The following ZSWIM4 variants were observed in gnomAD, a reference collection of about 807,000 sequenced individuals.
ZSWIM4 encodes the protein zinc finger SWIM-type containing 4, also known as zinc finger SWIM domain-containing protein 4.
In ZSWIM4, 62 loss-of-function variants were observed where a neutral mutation model predicts 102.5. The observed-to-expected ratio is 0.60, with a 90% CI of 0.49 to 0.75. ZSWIM4 has a LOEUF of 0.75. Among genes scored for constraint, ZSWIM4 ranks in the 30% least tolerant of loss-of-function variants. The pLI is 0.00. For missense variants in ZSWIM4, 1,280 were observed against 1,529.6 expected, an observed-to-expected ratio of 0.84 and a Z score of 2.72; for synonymous variants, 652 against 674.5, an observed-to-expected ratio of 0.97 and a Z score of 0.52.
Position 13,830,509 on chromosome 19 carries a change from G to A in ZSWIM4, c.2780G>A (p.Arg927His), listed in dbSNP as rs761528902. 8 of 1,599,914 alleles carry A rather than the reference G, an allele frequency of 5.0e-6. No individual in the cohort carries two copies. Among genetic ancestry groups the A allele is most frequent in the East Asian group, 2.2e-5 (1 of 44,854 alleles). Residue 927 changes from arginine (R) to histidine (H), a missense_variant, in exon 14 of 14, where the codon CGC becomes CAC. By Grantham distance (29) the Arg-to-His change is conservative. Transcript: ENST00000590508. ...LGHAHLFTVA[R>H]YMEHRGLPLR... ...CACGCCCACCTCTTCACTGTGGCCCGCTATATGGAGCACCGCGGGCTGCCG... is the reference window on the plus strand; with the variant it reads ...CACGCCCACCTCTTCACTGTGGCCCACTATATGGAGCACCGCGGGCTGCCG...
chr19:13,799,843 G>T lies in ZSWIM4; in HGVS notation c.277G>T (p.Glu93Ter), dbSNP rs1052933518. ...GCTGGGTTACCCGCCCCCAGAGGGC[G>T]AGCACGATGCCCGGGTGCCCTTTAC... is the stretch of plus-strand genomic sequence containing the variant. Reference protein sequence around the residue: ...SSLGYPPPEGEHDARVPFTRG... With the variant: ...SSLGYPPPEG Residue 93 changes from glutamate to a stop codon, truncating the protein, a stop_gained, in exon 2 of 14, where the codon GAG (glutamate) becomes TAG (stop). Coordinates refer to ENST00000590508, the MANE Select transcript of ZSWIM4 (RefSeq NM_001367834.3). LOFTEE classifies it high-confidence loss of function. 1 of 1,613,716 alleles carries T rather than the reference G, an allele frequency of 6.2e-7. No individual in the cohort carries two copies.
chr19:13,797,059 G>C (rs1203279043), intron 1 of ZSWIM4: 1 of 152,316 alleles, frequency 6.6e-6, no homozygotes, highest in Non-Finnish European at 1.5e-5. Flanking sequence ...TTCATTGCAT[G>C]TGAGACACAC....
intron 10 of ZSWIM4, 53 bp downstream of exon 10, chr19:13,819,545 G>C: frequency 6.5e-7 from 1 of 1,534,762 alleles, no homozygotes; most frequent in South Asian, 1.2e-5. Flanking sequence ...GAAGAGGGGC[G>C]GGCATGGGGG....
intron 7 of ZSWIM4, among the ~76,000 whole-genome samples, chr19:13,815,522 G>C (rs1433866612): frequency 7.5e-6 from 1 of 132,532 alleles, no homozygotes; most frequent in African/African-American, 2.9e-5. Context: ...CCAGTCTGGA[G>C]TGCAGTGGCG....
intron 10 of ZSWIM4, among the ~76,000 whole-genome samples, chr19:13,819,745 T>C (rs1039678871): frequency 2.0e-5 from 3 of 151,910 alleles, no homozygotes; most frequent in African/African-American, 7.2e-5. Flanking sequence ...CTCAGCTCAC[T>C]GCAACCTCCA....
intron 2 of ZSWIM4, among the ~76,000 whole-genome samples, chr19:13,801,135 G>T (rs532361748): frequency 6.2e-4 from 90 of 144,954 alleles, no homozygotes; most frequent in African/African-American, 2.3e-3. Context: ...AGAGCGAGAT[G>T]CTATCTCAAA....
chr19:13,825,499 G>A lies in ZSWIM4; in HGVS notation c.2216-51G>A, dbSNP rs771247904. 6.3e-7 allele frequency: 1 copy of A among 1,587,308 alleles called. No homozygotes were observed. The highest frequency in any genetic ancestry group is 2.3e-5 in the East Asian group (1 of 44,424). ...TGAACAGGTCGGGTGGTGGTCAGAG[G>A]CTGGTGCTGAGGTGTATCCGATGGT... On this transcript the variant is annotated intron_variant, in intron 11 of 13. Transcript: ENST00000590508. The surrounding 1 kb of genome is among the most constrained non-coding windows in gnomAD (Gnocchi z 4.6).
At chr19:13,799,212 C>G (rs577590067) in intron 1 of ZSWIM4, among the ~76,000 whole-genome samples, 42 of 151,870 alleles carry the variant, frequency 2.8e-4, no homozygotes, top group Non-Finnish European at 4.6e-4. Context: ...TCCCAGGTAG[C>G]TGGGATTCCA....
chr19:13,823,334 C>T lies in ZSWIM4; in HGVS notation c.2061-12C>T. ...CCCCTCCTCACCATGGCTCACTTCT[C>T]CCCTTACCCAGGCTGCCCATACTGG... On this transcript the variant is annotated splice_polypyrimidine_tract_variant and intron_variant, in intron 10 of 13. Transcript: ENST00000590508. The T allele has an allele frequency of 1.2e-6, 2 of 1,610,874 alleles. No individual in the cohort carries two copies. Among genetic ancestry groups the T allele is most frequent in the African/African-American group, 2.7e-5 (2 of 75,002 alleles).
intron 6 of ZSWIM4, among the ~76,000 whole-genome samples, chr19:13,814,076 T>TTTTTTTTA (rs1975193487): frequency 6.7e-6 from 1 of 150,306 alleles, no homozygotes; most frequent in African/African-American, 2.4e-5. Context: ...TTTTTTTTTT[T>TTTTTTTTA]GAGACAGTCT....
rs762783813 is a variant in ZSWIM4 at position 13,825,659 on chromosome 19, C to T, written c.2325C>T (p.Val775=). ...AQDACKTATP[V]SAPPDTTLLG... Reference sequence around the variant, plus strand: ...ACGCCTGCAAGACAGCCACCCCGGTCAGCGCCCCACCAGACACCACGCTGC... The same window carrying T: ...ACGCCTGCAAGACAGCCACCCCGGTTAGCGCCCCACCAGACACCACGCTGC... The change falls in exon 12 of 14, where the codon GTC becomes GTT. Residue 775 remains valine (V), a synonymous_variant. Transcript: ENST00000590508. The surrounding 1 kb of genome is among the most constrained non-coding windows in gnomAD (Gnocchi z 4.6). 1 of 1,613,464 alleles carries T rather than the reference C, an allele frequency of 6.2e-7. No homozygotes were observed. Among genetic ancestry groups the T allele is most frequent in the Non-Finnish European group, 8.5e-7 (1 of 1,180,034 alleles).
rs1483191067 is a variant in ZSWIM4 at position 13,817,859 on chromosome 19, T to A, written c.1807T>A (p.Tyr603Asn). ...GCAGCGGGCCCTGCCGGAGGGGCTG[T>A]ACGCCCAGGACAAGGTGGTGCGCAA... ...GQQRALPEGL[Y>N]AQDKVVRNEE... Residue 603 changes from tyrosine (Y) to asparagine (N), a missense_variant, in exon 9 of 14, where the codon TAC becomes AAC. Transcript: ENST00000590508. The A allele has an allele frequency of 1.3e-6, 2 of 1,557,778 alleles. No individual in the cohort carries two copies. The highest frequency in any genetic ancestry group is 1.7e-6 in the Non-Finnish European group (2 of 1,150,686).
At position 13,814,531 on chromosome 19, in the gene ZSWIM4, A is replaced by G; in HGVS notation, c.1197A>G (p.Glu399=). The change falls in exon 7 of 14, where the codon GAA becomes GAG. Residue 399 remains glutamate, a synonymous_variant. Coordinates refer to ENST00000590508, the MANE Select transcript of ZSWIM4 (RefSeq NM_001367834.3). ...TCTCTGCAGGCTCGGAGGAAGAGGA[A>G]GAGGTGGCAGCCACAAGTCCCCGCC... is the stretch of plus-strand genomic sequence containing the variant. ...MAPAPGSEEE[E]EVAATSPRHT... is the part of the protein sequence containing the mutation. 1 of 1,160,486 alleles carries G rather than the reference A, an allele frequency of 8.6e-7. No homozygotes were observed. The highest frequency in any genetic ancestry group is 1.1e-6 in the Non-Finnish European group (1 of 920,630). The allele number at this position is 1,160,486 out of a possible 1,614,324, so 71.9% of individuals were successfully genotyped here. A position where few individuals can be genotyped will look rare whatever the true frequency, so the allele number is the denominator to read the frequency against.
At chr19:13,824,149 G>C (rs1975543159) in intron 11 of ZSWIM4, among the ~76,000 whole-genome samples, 1 of 151,824 alleles carries the variant, frequency 6.6e-6, no homozygotes, top group Non-Finnish European at 1.5e-5. Flanking sequence ...AGAGGAGAGA[G>C]AGAAGAAAGA....
rs768210961 is a variant in ZSWIM4 at position 13,830,555 on chromosome 19, G to C, written c.2826G>C (p.Ala942=). The change falls in exon 14 of 14, where the codon GCG becomes GCC. Residue 942 remains alanine, a synonymous_variant. Transcript: ENST00000590508. The part of the protein sequence containing the change: ...RGLPLRAYKL[A]TLALAQLSIA... The stretch of plus-strand genomic sequence containing the variant: ...TGCCGCTCCGGGCCTACAAGCTGGC[G>C]ACGCTGGCCCTGGCGCAGCTCAGCA... The C allele has an allele frequency of 6.3e-7, 1 of 1,599,452 alleles. No individual in the cohort carries two copies. Among genetic ancestry groups the C allele is most frequent in the Non-Finnish European group, 8.5e-7 (1 of 1,179,576 alleles).
At chr19:13,804,326 C>G (rs1356107409) in intron 2 of ZSWIM4, among the ~76,000 whole-genome samples, 1 of 112,026 alleles carries the variant, frequency 8.9e-6, no homozygotes, top group Admixed American at 7.7e-5. Flanking sequence ...CAAAATTAGC[C>G]GGGCATGGTG....
In ZSWIM4 at chr19:13,795,734, G is replaced by C. The variant is rs763756010; in HGVS notation, c.86G>C (p.Arg29Pro). 6.6e-6 allele frequency: 8 copies of C among 1,221,210 alleles called. No individual in the cohort carries two copies. The highest frequency in any genetic ancestry group is 8.2e-6 in the Non-Finnish European group (8 of 980,410). The allele number at this position is 1,221,210 out of a possible 1,614,324, so 75.6% of individuals were successfully genotyped here. ...RDAGAGAARG[R>P]GRPEALLDLS... ...GCCGGGGCCGGGGCCGCGCGTGGCC[G>C]GGGCCGGCCCGAGGCGCTGCTGGAC... Residue 29 changes from arginine (R) to proline (P), a missense_variant, in exon 1 of 14, where the codon CGG becomes CCG. Transcript: ENST00000590508.
rs531179014 is a variant in ZSWIM4 at position 13,821,549 on chromosome 19, T to C, written c.2061-1797T>C. On this transcript the variant is annotated intron_variant, in intron 10 of 13. Transcript: ENST00000590508. ...AACAGAGCAAGACCCCATCTCTCTC[T>C]TTTTTTTGTCCTTTTAGAGACAGTC... 3.3e-5 allele frequency among the ~76,000 whole-genome samples: 5 copies of C among 151,956 alleles called. No individual in the cohort carries two copies. In the East Asian group the frequency reaches 5.8e-4, roughly 18 times the overall value.
At position 13,813,031 on chromosome 19, in the gene ZSWIM4, C is replaced by T. The variant is rs772117365; in HGVS notation, c.1047C>T (p.His349=). 1 of 1,613,690 alleles carries T rather than the reference C, an allele frequency of 6.2e-7. No individual in the cohort carries two copies. The highest frequency in any genetic ancestry group is 1.3e-5 in the African/African-American group (1 of 74,928). ...GGGTTTGCGTCGTCCTGAGCCCCCA[C>T]TGCAAACCAGAGGAAAGGGCAGGCT... is the stretch of plus-strand genomic sequence containing the variant. The part of the protein sequence containing the change: ...ALWVCVVLSP[H]CKPEERAGWL... The change falls in exon 6 of 14, where the codon CAC becomes CAT. Residue 349 remains histidine (H), a synonymous_variant. Coordinates refer to ENST00000590508, the MANE Select transcript of ZSWIM4 (RefSeq NM_001367834.3).
Sources: gnomAD v4.1 joint callset for allele counts (sites outside exome capture counted in the v4.1 genomes callset) on GRCh38, gnomAD v4.1.1 for gene constraint, Gnocchi (gnomAD v3.1) non-coding constraint, MANE v1.5 for transcripts, NCBI Gene and HGNC (gene_info 2026-07-23, HGNC 2026-07-21) for gene names.